The following UNC79 variants were observed in gnomAD, a reference collection of about 807,000 sequenced individuals.
UNC79 encodes the protein unc-79 subunit of NALCN channel complex.
Under a neutral mutation model 283.1 loss-of-function variants are expected in UNC79, and 37 were observed. The observed-to-expected ratio is 0.13, with a 90% confidence interval of 0.10 to 0.17. The LOEUF (loss-of-function observed/expected upper bound fraction) is 0.17, where lower values mean the gene tolerates loss of function less well. Among genes scored for constraint, UNC79 ranks in the 10% least tolerant of loss-of-function variants. The probability of loss-of-function intolerance (pLI) is 1.00; values close to 1 mark genes in which losing one functional copy is unlikely to be tolerated. For missense variants in UNC79, 2,272 were observed against 3,211.1 expected (o/e 0.71, Z 7.07); for synonymous variants, 1,107 against 1,200.2 (o/e 0.92, Z 1.61).
intron 34 of UNC79, among the ~76,000 whole-genome samples, chr14:93,644,826 T>C (rs2069423227): frequency 6.6e-6 from 1 of 152,182 alleles, no homozygotes; most frequent in Non-Finnish European, 1.5e-5. Context: ...TTATCCTCCC[T>C]CCCTCCAGTT....
At chr14:93,445,240 C>G (rs138963952) in intron 1 of UNC79, among the ~76,000 whole-genome samples, 2 of 152,108 alleles carry the variant, frequency 1.3e-5, no homozygotes, top group Non-Finnish European at 2.9e-5. Context: ...TGCACTGTTA[C>G]GCCATTTGTG....
intron 1 of UNC79, among the ~76,000 whole-genome samples, chr14:93,370,416 T>C (rs931910602): frequency 1.3e-5 from 2 of 152,198 alleles, no homozygotes; most frequent in African/African-American, 2.4e-5. Context: ...AAATGAAGAA[T>C]GCCTTTGATG....
At chr14:93,398,595 T>A (rs1001552829) in intron 1 of UNC79, among the ~76,000 whole-genome samples, 1 of 152,174 alleles carries the variant, frequency 6.6e-6, no homozygotes, top group Non-Finnish European at 1.5e-5. Context: ...CATTGCAGCT[T>A]ATCAGAGTTG....
At chr14:93,462,804 A>G (rs1000034822) in intron 1 of UNC79, among the ~76,000 whole-genome samples, 1 of 152,176 alleles carries the variant, frequency 6.6e-6, no homozygotes, top group African/African-American at 2.4e-5. Context: ...CAGATGGTGG[A>G]GTAGGTTTCT....
intron 33 of UNC79, 90 bp from the exon 37 acceptor site, chr14:93,643,467 C>A (rs149088529): frequency 4.4e-4 from 701 of 1,594,438 alleles, no homozygotes; most frequent in Non-Finnish European, 5.7e-4. Flanking sequence ...TTTTCCAAGA[C>A]CTACTAAAAA....
At chr14:93,620,243 T>C (rs998200125) in intron 29 of UNC79, among the ~76,000 whole-genome samples, 2 of 152,198 alleles carry the variant, frequency 1.3e-5, no homozygotes, top group Admixed American at 1.3e-4. Context: ...TTATTTTCTG[T>C]TTTCTTTTTC....
At chr14:93,563,842 AAC>A (rs1359814783) in intron 14 of UNC79, among the ~76,000 whole-genome samples, 1 of 152,218 alleles carries the variant, frequency 6.6e-6, no homozygotes, top group Non-Finnish European at 1.5e-5. Flanking sequence ...TGGGAGACTC[AAC>A]AAAGAGTGAG....
chr14:93,430,138 C>G (rs559316424), upstream of UNC79, among the ~76,000 whole-genome samples: 43 of 152,314 alleles, frequency 2.8e-4, no homozygotes, highest in African/African-American at 9.4e-4. This position sits in a 1 kb window ranked among gnomAD's most constrained non-coding sequence, Gnocchi z 4.6. Flanking sequence ...GGGATGGCTG[C>G]AAGGGAGCAC....
chr14:93,571,279 A>G (rs2063192063), intron 14 of UNC79, among the ~76,000 whole-genome samples: 1 of 152,220 alleles, frequency 6.6e-6, no homozygotes, highest in African/African-American at 2.4e-5. Context: ...AAGTTTGTAA[A>G]TTCGTGATTT....
intron 34 of UNC79, 92 bp downstream of exon 37, chr14:93,643,789 C>T: frequency 1.3e-6 from 2 of 1,530,936 alleles, no homozygotes; most frequent in Non-Finnish European, 1.8e-6. Flanking sequence ...GTGAAACATT[C>T]AGCCACCTTG....
rs1255367858 is a variant in UNC79, at chr14:93,613,053, C to A, written c.4011C>A (p.Cys1337Ter). 6.2e-7 allele frequency: 1 copy of A among 1,614,098 alleles called. No homozygotes were observed. The highest frequency in any genetic ancestry group is 8.5e-7 in the Non-Finnish European group (1 of 1,180,040). ...CTCAAAAAATGCGCCTGTCAACTTG[C>A]TTTAATGCATTCATTGCAGGAATTG... The change falls in exon 27 of 49, where the codon TGC becomes TGA. Residue 1337 changes from cysteine to a stop codon, truncating the protein, a stop_gained. Coordinates refer to ENST00000555664, the Ensembl canonical transcript of UNC79. LOFTEE classifies it high-confidence loss of function.
intron 20 of UNC79, among the ~76,000 whole-genome samples, chr14:93,584,816 C>A (rs1460013376): frequency 6.6e-6 from 1 of 151,704 alleles, no homozygotes; most frequent in East Asian, 1.9e-4. Flanking sequence ...CATTTCTTAG[C>A]TTCCTGACTA....
At chr14:93,405,904 C>T (rs1211936482) in intron 1 of UNC79, among the ~76,000 whole-genome samples, 2 of 152,170 alleles carry the variant, frequency 1.3e-5, no homozygotes, top group African/African-American at 2.4e-5. Flanking sequence ...TCAGAAGATA[C>T]CAGCGGAGTT....
At chr14:93,640,769 T>C (rs549562995) in intron 32 of UNC79, among the ~76,000 whole-genome samples, 3 of 152,332 alleles carry the variant, frequency 2.0e-5, no homozygotes, top group Middle Eastern at 3.4e-3. Context: ...AAATGCAGTA[T>C]CATATGGGAA....
intron 47 of UNC79, among the ~76,000 whole-genome samples, chr14:93,703,695 G>A (rs1017727283): frequency 2.6e-5 from 4 of 152,170 alleles, no homozygotes; most frequent in African/African-American, 9.7e-5. Flanking sequence ...TTGAGTGGAG[G>A]GTTGGAAGGA....
chr14:93,413,935 T>A (rs1242672278), intron 1 of UNC79, among the ~76,000 whole-genome samples: 222 of 84,822 alleles, frequency 2.6e-3, no homozygotes, highest in African/African-American at 3.8e-3. Context: ...TAGCCCTTTG[T>A]CAGATGAGTA....
chr14:93,622,262 C>G, exon 30 of UNC79: 1 of 1,614,202 alleles, frequency 6.2e-7, no homozygotes, highest in South Asian at 1.1e-5. Context: ...TCCCTCCGTC[C>G]TCAGCCTGAG....
intron 1 of UNC79, among the ~76,000 whole-genome samples, chr14:93,406,621 A>C (rs1226492914): frequency 6.6e-6 from 1 of 152,098 alleles, no homozygotes; most frequent in Non-Finnish European, 1.5e-5. Flanking sequence ...AAAATCTAAT[A>C]ATATAATACA....
At chr14:93,345,551 T>C (rs2053807074) in intron 1 of UNC79, among the ~76,000 whole-genome samples, 1 of 151,936 alleles carries the variant, frequency 6.6e-6, no homozygotes, top group African/African-American at 2.4e-5. Context: ...AAGCAAAAAA[T>C]AGTATGTTTT....
Sources: gnomAD v4.1 joint callset for allele counts (sites outside exome capture counted in the v4.1 genomes callset) on GRCh38, gnomAD v4.1.1 for gene constraint, Gnocchi (gnomAD v3.1) non-coding constraint, MANE v1.5 for transcripts, NCBI Gene and HGNC (gene_info 2026-07-23, HGNC 2026-07-21) for gene names.